The following PDZRN4 variants were observed in gnomAD, a reference collection of about 807,000 sequenced individuals.
PDZRN4 encodes the protein PDZ domain containing ring finger 4, also known as PDZ domain-containing RING finger protein 4.
A neutral mutation model predicts 99.0 loss-of-function variants in PDZRN4; 70 were observed. The observed-to-expected ratio is 0.71, with a 90% CI of 0.58 to 0.86. PDZRN4 has a LOEUF of 0.86. Among genes scored for constraint, PDZRN4 ranks in the 40% least tolerant of loss-of-function variants. PDZRN4 has a pLI of 0.00. For synonymous variants in PDZRN4, 551 were observed against 501.6 expected (o/e 1.10, Z -1.32); for missense variants, 1,474 against 1,331.2 (o/e 1.11, Z -1.67).
chr12:41,307,299 C>T (rs1844130208), intron 3 of PDZRN4, among the ~76,000 whole-genome samples: 1 of 144,462 alleles, frequency 6.9e-6, no homozygotes, highest in African/African-American at 2.4e-5. Context: ...CTGGTGAGGG[C>T]TCTCTTCCTG....
intron 3 of PDZRN4, among the ~76,000 whole-genome samples, chr12:41,458,521 G>C (rs552183573): frequency 6.6e-5 from 10 of 152,304 alleles, no homozygotes; most frequent in Admixed American, 5.2e-4. Context: ...GGCAAGATCA[G>C]ATCTATGCTC....
chr12:41,196,347 T>G (rs2120649006), intron 3 of PDZRN4, among the ~76,000 whole-genome samples: 1 of 152,194 alleles, frequency 6.6e-6, no homozygotes, highest in African/African-American at 2.4e-5. Context: ...TGATATAGAT[T>G]TTTCAATGTG....
intron 3 of PDZRN4, among the ~76,000 whole-genome samples, chr12:41,504,197 G>A (rs1004769625): frequency 2.0e-5 from 3 of 152,192 alleles, no homozygotes; most frequent in Non-Finnish European, 4.4e-5. Flanking sequence ...GAACCTGGGA[G>A]GCGGAGGTTA....
At chr12:41,380,444 T>A (rs1224372837) in intron 3 of PDZRN4, among the ~76,000 whole-genome samples, 1 of 152,092 alleles carries the variant, frequency 6.6e-6, no homozygotes, top group East Asian at 1.9e-4. Flanking sequence ...CTATTGTGAC[T>A]TGATGACTTT....
intron 5 of PDZRN4, among the ~76,000 whole-genome samples, chr12:41,549,391 T>G (rs991230884): frequency 2.0e-5 from 3 of 152,202 alleles, no homozygotes; most frequent in African/African-American, 7.2e-5. Flanking sequence ...CACCTTTGCC[T>G]CCTACAAACA....
intron 3 of PDZRN4, among the ~76,000 whole-genome samples, chr12:41,407,690 C>A: frequency 6.9e-6 from 1 of 145,240 alleles, no homozygotes; most frequent in South Asian, 2.2e-4. Context: ...ATTACAACTG[C>A]AGTGTTTACA....
chr12:41,397,115 C>G (rs528622663), intron 3 of PDZRN4, among the ~76,000 whole-genome samples: 1 of 152,210 alleles, frequency 6.6e-6, no homozygotes, highest in African/African-American at 2.4e-5. Context: ...TACTTGTAAG[C>G]AATAAATGCT....
intron 4 of PDZRN4, among the ~76,000 whole-genome samples, chr12:41,508,206 C>T (rs1476339239): frequency 6.6e-6 from 1 of 152,030 alleles, no homozygotes; most frequent in East Asian, 1.9e-4. Context: ...AGTGACAGGG[C>T]CAGGCTTCTA....
intron 3 of PDZRN4, among the ~76,000 whole-genome samples, chr12:41,237,737 T>C (rs1228293857): frequency 1.3e-5 from 2 of 152,198 alleles, no homozygotes; most frequent in Non-Finnish European, 1.5e-5. Flanking sequence ...CCTTTCTCCA[T>C]TGCTTGTTTT....
intron 3 of PDZRN4, among the ~76,000 whole-genome samples, chr12:41,198,957 G>T (rs1950796798): frequency 6.6e-6 from 1 of 151,962 alleles, no homozygotes; most frequent in Admixed American, 6.6e-5. Flanking sequence ...TATCTGTACT[G>T]CTAAAATGAA....
chr12:41,469,375 A>G (rs575331098), intron 3 of PDZRN4, among the ~76,000 whole-genome samples: 1 of 152,320 alleles, frequency 6.6e-6, no homozygotes, highest in African/African-American at 2.4e-5. Flanking sequence ...AGCTTACCCT[A>G]TGTGAATCTT....
intron 3 of PDZRN4, among the ~76,000 whole-genome samples, chr12:41,213,723 A>G (rs1447857245): frequency 6.6e-6 from 1 of 152,056 alleles, no homozygotes; most frequent in Admixed American, 6.6e-5. Context: ...TTTTTTCAGC[A>G]TTTTGTGTTT....
intron 3 of PDZRN4, chr12:41,460,087 T>G (rs1180168401): frequency 7.8e-7 from 1 of 1,281,736 alleles, no homozygotes; most frequent in Non-Finnish European, 1.0e-6. Context: ...TTTCCCTATT[T>G]ATATATTTTC....
At chr12:41,426,105 AG>A (rs1952534203) in intron 3 of PDZRN4, among the ~76,000 whole-genome samples, 3 of 152,226 alleles carry the variant, frequency 2.0e-5, no homozygotes, top group African/African-American at 7.2e-5. Flanking sequence ...AATGCTTCTT[AG>A]TTAAGCTGAG....
intron 3 of PDZRN4, among the ~76,000 whole-genome samples, chr12:41,333,624 C>G (rs1951753771): frequency 6.6e-6 from 1 of 152,104 alleles, no homozygotes; most frequent in South Asian, 2.1e-4. Context: ...TTCTCCATAG[C>G]AAATCCCCAG....
At chr12:41,384,004 T>C in intron 3 of PDZRN4, among the ~76,000 whole-genome samples, 1 of 17,548 alleles carries the variant, frequency 5.7e-5, no homozygotes, top group Non-Finnish European at 1.2e-4. Context: ...TTTTTTTTTT[T>C]TTTTTTTTTT....
intron 3 of PDZRN4, among the ~76,000 whole-genome samples, chr12:41,315,594 T>C (rs890522340): frequency 8.5e-5 from 13 of 152,110 alleles, no homozygotes; most frequent in Non-Finnish European, 7.4e-5. Flanking sequence ...CTTTAATAAA[T>C]TATAAATGCA....
At chr12:41,200,874 T>G (rs764898847) in intron 3 of PDZRN4, among the ~76,000 whole-genome samples, 6 of 152,094 alleles carry the variant, frequency 3.9e-5, no homozygotes, top group Admixed American at 6.6e-5. Context: ...TTGAACCATA[T>G]ACGTTTGTTC....
chr12:41,302,852 T>C (rs1951544889), intron 3 of PDZRN4, among the ~76,000 whole-genome samples: 2 of 151,936 alleles, frequency 1.3e-5, no homozygotes, highest in Admixed American at 1.3e-4. Flanking sequence ...AAGGGTACCC[T>C]AAAGGGTAAA....
Sources: gnomAD v4.1 joint callset for allele counts (sites outside exome capture counted in the v4.1 genomes callset) on GRCh38, gnomAD v4.1.1 for gene constraint, MANE v1.5 for transcripts, NCBI Gene and HGNC (gene_info 2026-07-23, HGNC 2026-07-21) for gene names.